The following GRM8 variants were observed in gnomAD, a reference collection of about 807,000 sequenced individuals.
The protein encoded by GRM8 is metabotropic glutamate receptor 8.
In GRM8, 47 loss-of-function variants were observed where a neutral mutation model predicts 87.2. The observed-to-expected ratio is 0.54, with a 90% confidence interval of 0.43 to 0.69. GRM8 has a LOEUF of 0.69. Among genes scored for constraint, GRM8 ranks in the 30% least tolerant of loss-of-function variants. GRM8 has a pLI of 0.00. For missense variants in GRM8, 1,019 were observed against 1,139.2 expected (o/e 0.89, Z 1.52); for synonymous variants, 396 against 404.5 (o/e 0.98, Z 0.25).
At chr7:126,583,799 T>C (rs1474486387) in intron 8 of GRM8, among the ~76,000 whole-genome samples, 1 of 152,166 alleles carries the variant, frequency 6.6e-6, no homozygotes, top group Non-Finnish European at 1.5e-5. Flanking sequence ...CTGCTGACGA[T>C]TTGGTGAACA....
intron 9 of GRM8, among the ~76,000 whole-genome samples, chr7:126,455,634 G>C (rs895935003): frequency 6.6e-6 from 1 of 151,706 alleles, no homozygotes; most frequent in Non-Finnish European, 1.5e-5. Flanking sequence ...TGGGCCTGAA[G>C]AGCTGGATAA....
At chr7:127,040,249 G>A (rs1347849479) in intron 3 of GRM8, among the ~76,000 whole-genome samples, 3 of 152,040 alleles carry the variant, frequency 2.0e-5, no homozygotes, top group African/African-American at 7.2e-5. Flanking sequence ...CAGTTCACGG[G>A]CAGCATTGGT....
At chr7:126,594,275 A>G (rs761752724) in intron 8 of GRM8, among the ~76,000 whole-genome samples, 10 of 152,100 alleles carry the variant, frequency 6.6e-5, no homozygotes, top group Non-Finnish European at 1.2e-4. Flanking sequence ...TGTTGAAGAT[A>G]TATCTGTGCT....
chr7:127,082,637 T>G (rs1440001820), intron 3 of GRM8, among the ~76,000 whole-genome samples: 2 of 152,224 alleles, frequency 1.3e-5, no homozygotes, highest in South Asian at 4.1e-4. Context: ...AAATCTCTCC[T>G]GGGAAAGTAA....
chr7:127,243,167 C>A lies in GRM8; in HGVS notation c.38G>T (p.Cys13Phe). Residue 13 changes from cysteine to phenylalanine, a missense_variant, in exon 2 of 11, where the codon TGT becomes TTT. Coordinates refer to ENST00000339582, the MANE Select transcript of GRM8 (RefSeq NM_000845.3). Reference protein sequence around the residue: ...CEGKRSASCPCFFLLTAKFYW... With the variant: ...CEGKRSASCPFFFLLTAKFYW... ...GAACTTGGCGGTCAAGAGGAAGAAA[C>A]AAGGGCAAGAGGCTGATCGCTTTCC... 1 of 1,612,754 alleles carries A rather than the reference C, an allele frequency of 6.2e-7. No individual in the cohort carries two copies.
At chr7:127,004,528 A>C (rs895063006) in intron 3 of GRM8, among the ~76,000 whole-genome samples, 14 of 151,720 alleles carry the variant, frequency 9.2e-5, no homozygotes, top group African/African-American at 3.4e-4. Flanking sequence ...ACAAAGCTTC[A>C]CCGATATTGA....
intron 2 of GRM8, among the ~76,000 whole-genome samples, chr7:127,208,066 C>G (rs1443822827): frequency 6.6e-6 from 1 of 152,168 alleles, no homozygotes; most frequent in Non-Finnish European, 1.5e-5. Context: ...GGAAAAGAGA[C>G]AGCTGTGGTT....
chr7:127,236,368 A>G (rs558025879), intron 2 of GRM8, among the ~76,000 whole-genome samples: 42 of 152,362 alleles, frequency 2.8e-4, no homozygotes, highest in African/African-American at 1.0e-3. Flanking sequence ...TGGGTAATTT[A>G]TAAACGAAAG....
At chr7:126,797,228 T>C (rs1822052466) in intron 6 of GRM8, among the ~76,000 whole-genome samples, 1 of 152,114 alleles carries the variant, frequency 6.6e-6, no homozygotes, top group Non-Finnish European at 1.5e-5. Context: ...ATATAAAGGT[T>C]ACAACTTAAT....
intron 7 of GRM8, among the ~76,000 whole-genome samples, chr7:126,750,994 C>T (rs956397925): frequency 3.9e-5 from 6 of 151,940 alleles, no homozygotes; most frequent in Non-Finnish European, 5.9e-5. Context: ...TAGATGTATG[C>T]TTCAGTTTCC....
chr7:127,078,115 C>T (rs914722230), intron 3 of GRM8, among the ~76,000 whole-genome samples: 4 of 152,254 alleles, frequency 2.6e-5, no homozygotes, highest in Admixed American at 1.3e-4. Context: ...ATACCAACTA[C>T]AGTCCTAGGC....
At chr7:126,722,506 G>A (rs1812492912) in intron 7 of GRM8, among the ~76,000 whole-genome samples, 1 of 152,116 alleles carries the variant, frequency 6.6e-6, no homozygotes, top group East Asian at 1.9e-4. Context: ...GGACTATGAA[G>A]ATGATCTTTC....
At chr7:126,750,738 G>C (rs1816323689) in intron 7 of GRM8, among the ~76,000 whole-genome samples, 1 of 152,012 alleles carries the variant, frequency 6.6e-6, no homozygotes, top group Admixed American at 6.6e-5. Context: ...GAGAGAACTA[G>C]TCTGACTCTA....
rs575442034 is a variant in GRM8, at chr7:126,775,486, T to G, written c.1157-5421A>C. 1.1e-3 allele frequency among the ~76,000 whole-genome samples: 66 copies of G among 59,702 alleles called. 1 individual carries two copies. The East Asian group carries it at 0.014, about 13-fold the overall frequency. 39.2% of individuals were successfully genotyped at this position (59,702 alleles called of 152,430 possible). ...TATCAAGCTGACAAATAGGTTTTTT[T>G]TTTTTTTTTTTTTTTTTTTTTTACT... is the stretch of plus-strand genomic sequence containing the variant. On this transcript the variant is annotated intron_variant, in intron 6 of 10. Transcript: ENST00000339582.
chr7:126,809,470 A>G (rs1258136312), intron 6 of GRM8, among the ~76,000 whole-genome samples: 2 of 152,164 alleles, frequency 1.3e-5, no homozygotes, highest in African/African-American at 2.4e-5. Flanking sequence ...AACTCCCCCA[A>G]TATCCAAAAG....
chr7:126,683,853 A>C (rs532174726), intron 7 of GRM8, among the ~76,000 whole-genome samples: 112 of 152,214 alleles, frequency 7.4e-4, no homozygotes, highest in Non-Finnish European at 1.4e-3. Flanking sequence ...TAGTAGATTA[A>C]AAGGCTCCCA....
chr7:126,789,093 AATTT>A (rs1179366525), intron 6 of GRM8, among the ~76,000 whole-genome samples: 1 of 152,156 alleles, frequency 6.6e-6, no homozygotes, highest in Non-Finnish European at 1.5e-5. Flanking sequence ...GCATAGACTT[AATTT>A]GTCTACAGTA....
At chr7:127,195,092 C>A (rs948766610) in intron 2 of GRM8, among the ~76,000 whole-genome samples, 3 of 152,186 alleles carry the variant, frequency 2.0e-5, no homozygotes, top group Non-Finnish European at 4.4e-5. Context: ...ATCCTTCCCA[C>A]AATGGGTGCT....
Position 126,533,828 on chromosome 7 carries a change from C to G in GRM8, c.1554G>C (p.Leu518=). ...EHTHPASVCS[L]PCKPGERKKT... is the part of the protein sequence containing the mutation. ...TCTTCCTCTCCCCTGGCTTACACGG[C>G]AGGCTGCAGACAGACGCCGGGTGAG... Residue 518 remains leucine (L), a synonymous_variant, in exon 9 of 11, where the codon CTG becomes CTC. Coordinates refer to ENST00000339582, the MANE Select transcript of GRM8 (RefSeq NM_000845.3). 1 of 1,614,114 alleles carries G rather than the reference C, an allele frequency of 6.2e-7. No individual in the cohort carries two copies. The highest frequency in any genetic ancestry group is 8.5e-7 in the Non-Finnish European group (1 of 1,179,978).
Sources: allele counts gnomAD v4.1 joint callset (sites outside exome capture counted in the v4.1 genomes callset), GRCh38; gene constraint gnomAD v4.1.1; transcripts MANE v1.5; gene names NCBI Gene and HGNC (gene_info 2026-07-23, HGNC 2026-07-21).